Variants in AKT3 observed in about 807,000 individuals in gnomAD.
AKT3 encodes AKT serine/threonine kinase 3.
In AKT3, 15 loss-of-function variants were observed where a neutral mutation model predicts 65.3. That is an observed-to-expected ratio of 0.23 (90% CI 0.15 to 0.35). The LOEUF (loss-of-function observed/expected upper bound fraction) is 0.35, where lower values mean the gene tolerates loss of function less well. AKT3 is among the 10% of genes least tolerant of loss of function. The pLI, the probability that AKT3 is intolerant of heterozygous loss-of-function variation, is 1.00. For missense variants in AKT3, 243 were observed against 576.5 expected (o/e 0.42, Z 5.92); for synonymous variants, 206 against 183.8 (o/e 1.12, Z -0.98).
intron 2 of AKT3, among the ~76,000 whole-genome samples, chr1:243,698,665 GAAGA>G (rs1315291712): frequency 2.0e-5 from 3 of 151,932 alleles, no homozygotes; most frequent in Non-Finnish European, 4.4e-5. Context: ...CACTCACATA[GAAGA>G]AAAATTTTAA....
chr1:243,768,851 G>C (rs1440434039), intron 2 of AKT3, among the ~76,000 whole-genome samples: 3 of 148,392 alleles, frequency 2.0e-5, no homozygotes, highest in Non-Finnish European at 3.0e-5. Flanking sequence ...AAAAAAAAGA[G>C]AGCGATAGTT....
intron 2 of AKT3, among the ~76,000 whole-genome samples, chr1:243,744,841 T>C (rs1688383295): frequency 6.6e-6 from 1 of 152,106 alleles, no homozygotes; most frequent in African/African-American, 2.4e-5. Flanking sequence ...TTCTTTACTA[T>C]GTTCAGTGGT....
chr1:243,638,046 C>CCTTTA (rs1204999492), intron 5 of AKT3, among the ~76,000 whole-genome samples: 4 of 152,034 alleles, frequency 2.6e-5, no homozygotes, highest in African/African-American at 7.2e-5. Flanking sequence ...TTTAAGGACT[C>CCTTTA]AAGTTTTCAA....
At chr1:243,767,132 C>CA (rs910545092) in intron 2 of AKT3, among the ~76,000 whole-genome samples, 3 of 152,018 alleles carry the variant, frequency 2.0e-5, no homozygotes, top group Non-Finnish European at 4.4e-5. Flanking sequence ...GGCTCAAGAA[C>CA]AGAGTAAGGA....
chr1:243,665,155 G>C (rs1209105945), intron 3 of AKT3, among the ~76,000 whole-genome samples: 1 of 152,116 alleles, frequency 6.6e-6, no homozygotes, highest in East Asian at 1.9e-4. Flanking sequence ...TGCTCCAGCT[G>C]TTCTTGCTAT....
chr1:243,559,131 T>C (rs1673596210), intron 10 of AKT3, among the ~76,000 whole-genome samples: 1 of 152,136 alleles, frequency 6.6e-6, no homozygotes, highest in Non-Finnish European at 1.5e-5. Flanking sequence ...GCACAGATTA[T>C]AAAAACAAAA....
At chr1:243,579,386 C>T (rs1675173084) in intron 8 of AKT3, among the ~76,000 whole-genome samples, 1 of 151,454 alleles carries the variant, frequency 6.6e-6, no homozygotes, top group African/African-American at 2.4e-5. Flanking sequence ...ATACATAGGA[C>T]AGAAAAAAGC....
chr1:243,761,923 C>T (rs1017062223), intron 2 of AKT3, among the ~76,000 whole-genome samples: 1 of 152,056 alleles, frequency 6.6e-6, no homozygotes, highest in African/African-American at 2.4e-5. Context: ...CTTGTCTCAA[C>T]GTTGCACTGT....
At chr1:243,679,801 A>C (rs1452164963) in intron 3 of AKT3, among the ~76,000 whole-genome samples, 6 of 152,130 alleles carry the variant, frequency 3.9e-5, no homozygotes, top group African/African-American at 1.4e-4. Flanking sequence ...AAAAATAAAG[A>C]CCCATCAATA....
rs1693797717 is a variant in AKT3 at position 243,820,555 on chromosome 1, T to A, written c.46+22570A>T. Among the ~76,000 whole-genome samples, 3 of 152,134 alleles carry A rather than the reference T, an allele frequency of 2.0e-5. No homozygotes were observed. In the South Asian group the frequency reaches 6.2e-4, roughly 32 times the overall value. ...AATGCAAAGAAGCTATGAACCATGA[T>A]AAAACATCACAGGAGCTGTTAACCA... On this transcript the variant is annotated intron_variant, in intron 2 of 13. Transcript: ENST00000673466.
intron 13 of AKT3, among the ~76,000 whole-genome samples, chr1:243,489,970 G>T (rs1665988241): frequency 6.6e-6 from 1 of 152,218 alleles, no homozygotes; most frequent in African/African-American, 2.4e-5. Flanking sequence ...CAAGCAGTTT[G>T]TTAGGATAAT....
chr1:243,777,050 A>C (rs968850862), intron 2 of AKT3, among the ~76,000 whole-genome samples: 2 of 152,056 alleles, frequency 1.3e-5, no homozygotes, highest in Non-Finnish European at 2.9e-5. Context: ...GGAGGAAGCA[A>C]TTGTGGTTGT....
intron 2 of AKT3, among the ~76,000 whole-genome samples, chr1:243,708,523 T>C (rs1475385660): frequency 1.3e-5 from 2 of 152,016 alleles, no homozygotes; most frequent in Non-Finnish European, 2.9e-5. Flanking sequence ...TCTTTCCTCA[T>C]CATTATCTGT....
At chr1:243,702,933 G>A (rs1685560615) in intron 2 of AKT3, 1 of 152,088 alleles carries the variant, frequency 6.6e-6, no homozygotes, top group Non-Finnish European at 1.5e-5. Flanking sequence ...AATTTTCAAA[G>A]AGCAGCTTTA....
At chr1:243,674,346 G>A (rs1683357768) in intron 3 of AKT3, among the ~76,000 whole-genome samples, 1 of 151,860 alleles carries the variant, frequency 6.6e-6, no homozygotes, top group Non-Finnish European at 1.5e-5. Flanking sequence ...CCGTAACCCA[G>A]TGAACAATGA....
chr1:243,565,925 TAATAC>T (rs1333291643), intron 9 of AKT3, among the ~76,000 whole-genome samples: 1 of 152,188 alleles, frequency 6.6e-6, no homozygotes, highest in African/African-American at 2.4e-5. Context: ...TTTACTAATA[TAATAC>T]ATTAACAATT....
intron 9 of AKT3, among the ~76,000 whole-genome samples, chr1:243,569,085 G>C (rs960000238): frequency 6.6e-6 from 1 of 152,132 alleles, no homozygotes; most frequent in African/African-American, 2.4e-5. Flanking sequence ...ATCAAACTCA[G>C]TTTTAGGCAC....
intron 5 of AKT3, among the ~76,000 whole-genome samples, chr1:243,641,089 C>G (rs894453442): frequency 6.6e-6 from 1 of 152,020 alleles, no homozygotes; most frequent in Non-Finnish European, 1.5e-5. Flanking sequence ...TCCCAGCCTA[C>G]GTCTTTCTGC....
At chr1:243,706,004 G>A (rs1270107660) in intron 2 of AKT3, among the ~76,000 whole-genome samples, 1 of 152,030 alleles carries the variant, frequency 6.6e-6, no homozygotes, top group South Asian at 2.1e-4. Flanking sequence ...AATTTCATCA[G>A]AAACTTTAAA....
Sources: gnomAD v4.1 joint callset for allele counts (sites outside exome capture counted in the v4.1 genomes callset) on GRCh38, gnomAD v4.1.1 for gene constraint, MANE v1.5 for transcripts, NCBI Gene and HGNC (gene_info 2026-07-23, HGNC 2026-07-21) for gene names.